Variants in CALCOCO2 observed in about 807,000 individuals in gnomAD.
CALCOCO2 encodes calcium-binding and coiled-coil domain-containing protein 2.
CALCOCO2 carries 42 observed loss-of-function variants against 62.5 expected under a neutral mutation model. That is an observed-to-expected ratio of 0.67 (90% CI 0.53 to 0.87). The LOEUF (loss-of-function observed/expected upper bound fraction) is 0.87. Among genes scored for constraint, CALCOCO2 ranks in the 40% least tolerant of loss-of-function variants. The probability of loss-of-function intolerance (pLI) is 0.00; values close to 1 mark genes in which losing one functional copy is unlikely to be tolerated. For missense variants in CALCOCO2, 456 were observed against 515.0 expected (o/e 0.89, Z 1.11); for synonymous variants, 167 against 173.0 (o/e 0.97, Z 0.27).
intron 5 of CALCOCO2, 57 bp downstream of exon 5, chr17:48,849,434 C>T: frequency 6.9e-7 from 1 of 1,456,942 alleles, no homozygotes; most frequent in South Asian, 1.2e-5. Context: ...TGGATGGTGC[C>T]TCTTATCCAG....
At chr17:48,834,297 C>T (rs933363760) in intron 1 of CALCOCO2, among the ~76,000 whole-genome samples, 4 of 151,974 alleles carry the variant, frequency 2.6e-5, no homozygotes, top group East Asian at 1.9e-4. Context: ...TCAGGGGACT[C>T]ATTTAAAAAT....
Position 48,856,088 on chromosome 17 carries a change from A to G in CALCOCO2, c.913-4A>G. ...CTAATCCTAATTTTTTTTATTGTTG[A>G]CAGGATGAAAACTTTGACCTGTCAA... On this transcript the variant is annotated splice_polypyrimidine_tract_variant and splice_region_variant and intron_variant, in intron 9 of 12. Coordinates refer to ENST00000258947, the MANE Select transcript of CALCOCO2 (RefSeq NM_005831.5). The G allele has an allele frequency of 6.6e-7, 1 of 1,513,918 alleles. No homozygotes were observed. Among genetic ancestry groups the G allele is most frequent in the Non-Finnish European group, 9.1e-7 (1 of 1,095,330 alleles). 93.8% of individuals were successfully genotyped at this position (1,513,918 alleles called of 1,614,324 possible).
chr17:48,849,177 C>T, intron 4 of CALCOCO2, 75 bp from the exon 5 acceptor site: 1 of 1,435,036 alleles, frequency 7.0e-7, no homozygotes, highest in East Asian at 2.3e-5. Flanking sequence ...ATCAGCCAGT[C>T]CCTCACCATC....
Position 48,864,919 on chromosome 17 carries a change from C to G in CALCOCO2, c.*1914C>G, listed in dbSNP as rs1021203937. The G allele has an allele frequency of 2.6e-5, 4 of 152,188 alleles. No homozygotes were observed. The highest frequency in any genetic ancestry group is 9.7e-5 in the African/African-American group (4 of 41,448). The allele number at this position is 152,188 out of a possible 1,614,324, so 9.4% of individuals were successfully genotyped here. On this transcript the variant is annotated 3_prime_UTR_variant, in exon 13 of 13. Transcript: ENST00000258947. ...GCTCCCCAGATCCAGTGAAGAATTG[C>G]AGTTTCATTTATTTTGTACCAGTCA...
At position 48,852,958 on chromosome 17, in the gene CALCOCO2, G is replaced by A; in HGVS notation, c.858G>A (p.Val286=). Residue 286 remains valine (V), a synonymous_variant, in exon 9 of 13, where the codon GTG becomes GTA. Coordinates refer to ENST00000258947, the MANE Select transcript of CALCOCO2 (RefSeq NM_005831.5). The part of the protein sequence containing the change: ...RKDQKKLEQT[V]EQMKQNETTA... ...ACCAGAAGAAGCTCGAGCAGACAGT[G>A]GAGCAAATGAAGCAGAATGAAACTA... 6.2e-7 allele frequency: 1 copy of A among 1,613,756 alleles called. No homozygotes were observed. The highest frequency in any genetic ancestry group is 8.5e-7 in the Non-Finnish European group (1 of 1,179,698).
rs1226127478 is a variant in CALCOCO2, at chr17:48,854,396, A to ATTTTT, written c.912+1409_912+1413dup. 5.2e-3 allele frequency among the ~76,000 whole-genome samples: 10 copies of ATTTTT among 1,916 alleles called. 1 individual carries two copies. The highest frequency in any genetic ancestry group is 0.015 in the Admixed American group (1 of 66). The allele number at this position is 1,916 out of a possible 152,430, so 1.3% of individuals were successfully genotyped here. A position where few individuals can be genotyped will look rare whatever the true frequency, so the allele number is the denominator to read the frequency against. ...TTTTCTTTTATTTATATATATATAT[A>ATTTTT]TTTTTTTTTTTTTTTTTTTTTTTTT... On this transcript the variant is annotated intron_variant, in intron 9 of 12. Coordinates refer to ENST00000258947, the MANE Select transcript of CALCOCO2 (RefSeq NM_005831.5).
In CALCOCO2 at chr17:48,864,684, C is replaced by A. The variant is rs2040370299; in HGVS notation, c.*1679C>A. ...TTCCCTAATGTGGTTGGGAGTTATG[C>A]CCTAGACTAACTGTATTGTCCTAGT... On this transcript the variant is annotated 3_prime_UTR_variant, in exon 13 of 13. Coordinates refer to ENST00000258947, the MANE Select transcript of CALCOCO2 (RefSeq NM_005831.5). 6.6e-6 allele frequency: 1 copy of A among 152,342 alleles called. No homozygotes were observed. Among genetic ancestry groups the A allele is most frequent in the Non-Finnish European group, 1.5e-5 (1 of 68,182 alleles). 9.4% of individuals were successfully genotyped at this position (152,342 alleles called of 1,614,324 possible).
At chr17:48,856,617 G>T in intron 10 of CALCOCO2, 1 of 456,256 alleles carries the variant, frequency 2.2e-6, no homozygotes, top group Non-Finnish European at 4.4e-6. Context: ...TGGACCCATG[G>T]TAGGCCCCTA....
intron 1 of CALCOCO2, among the ~76,000 whole-genome samples, chr17:48,833,416 A>G (rs566164216): frequency 6.6e-6 from 1 of 152,024 alleles, no homozygotes; most frequent in South Asian, 2.1e-4. Context: ...TTAACCGGAC[A>G]TGGTGGCACA....
At chr17:48,834,630 T>A (rs1485549875) in intron 1 of CALCOCO2, among the ~76,000 whole-genome samples, 1 of 152,242 alleles carries the variant, frequency 6.6e-6, no homozygotes, top group African/African-American at 2.4e-5. Context: ...AATTTAACTT[T>A]TGCTCTTATA....
intron 1 of CALCOCO2, among the ~76,000 whole-genome samples, chr17:48,833,562 A>G (rs2039847133): frequency 1.4e-5 from 2 of 146,646 alleles, no homozygotes; most frequent in African/African-American, 5.0e-5. Flanking sequence ...AAAAAAAAAA[A>G]GAAAGAAAAA....
chr17:48,846,111 ACT>A, intron 2 of CALCOCO2: 2 of 1,180,004 alleles, frequency 1.7e-6, no homozygotes, highest in Non-Finnish European at 2.3e-6. Flanking sequence ...GTACTCAGTA[ACT>A]CTTTTTATTT....
chr17:48,843,803 T>C (rs1454714303), intron 2 of CALCOCO2: 2 of 152,224 alleles, frequency 1.3e-5, no homozygotes, highest in African/African-American at 4.8e-5. Context: ...CTTCACTGTC[T>C]AGTACAGCTG....
chr17:48,831,818 T>C (rs1285885588), intron 1 of CALCOCO2: 1 of 152,256 alleles, frequency 6.6e-6, no homozygotes. Context: ...GAGTAAAATA[T>C]GGATAATATA....
rs571475167 is a variant in CALCOCO2, at chr17:48,855,977, C to G, written c.913-115C>G. The G allele has an allele frequency of 2.3e-5, 11 of 475,632 alleles. No individual in the cohort carries two copies. In the South Asian group the frequency reaches 4.9e-4, roughly 21 times the overall value. 29.5% of individuals were successfully genotyped at this position (475,632 alleles called of 1,614,324 possible). Reference sequence around the variant, plus strand: ...TAGTACCATTTCTTCCTCCCAGTTGCGTTCTCCTCCATCTCAGTCTCCCCG... The same window carrying G: ...TAGTACCATTTCTTCCTCCCAGTTGGGTTCTCCTCCATCTCAGTCTCCCCG... On this transcript the variant is annotated intron_variant, in intron 9 of 12. Transcript: ENST00000258947.
chr17:48,851,022 C>G, intron 5 of CALCOCO2, 67 bp from the exon 6 acceptor site: 1 of 838,424 alleles, frequency 1.2e-6, no homozygotes, highest in South Asian at 1.4e-5. Context: ...TATTTGTTGC[C>G]TGCCTAAGAT....
chr17:48,849,523 T>A, intron 5 of CALCOCO2, 146 bp downstream of exon 5: 1 of 720,036 alleles, frequency 1.4e-6, no homozygotes, highest in Non-Finnish European at 2.3e-6. Context: ...TTTGTTTGTT[T>A]GAAATGGAGT....
At chr17:48,850,055 C>G (rs1030116568) in intron 5 of CALCOCO2, among the ~76,000 whole-genome samples, 7 of 151,680 alleles carry the variant, frequency 4.6e-5, no homozygotes, top group Non-Finnish European at 1.0e-4. Context: ...AATCTCAGCA[C>G]TTTGGGAGGC....
chr17:48,849,589 C>T (rs1055401760), intron 5 of CALCOCO2, among the ~76,000 whole-genome samples: 1 of 151,998 alleles, frequency 6.6e-6, no homozygotes, highest in African/African-American at 2.4e-5. Context: ...CACTGCAACC[C>T]CCATCTCCCA....
Sources: gnomAD v4.1 joint callset for allele counts (sites outside exome capture counted in the v4.1 genomes callset) on GRCh38, gnomAD v4.1.1 for gene constraint, MANE v1.5 for transcripts, NCBI Gene and HGNC (gene_info 2026-07-23, HGNC 2026-07-21) for gene names.